Variants in UBR3 observed in about 807,000 individuals in gnomAD.
The protein encoded by UBR3 is ubiquitin protein ligase E3 component n-recognin 3.
In UBR3, 85 loss-of-function variants were observed where a neutral mutation model predicts 243.2. The ratio of observed to expected loss-of-function variants is 0.35; its 90% confidence interval spans 0.29 to 0.42. The LOEUF is 0.42. Ranked by LOEUF, UBR3 falls within the 10% of genes least tolerant of loss-of-function variation. The pLI, the probability that UBR3 is intolerant of heterozygous loss-of-function variation, is 1.00. For synonymous variants in UBR3, 748 were observed against 799.8 expected (o/e 0.94, Z 1.09); for missense variants, 1,686 against 2,300.8 (o/e 0.73, Z 5.47).
intron 22 of UBR3, among the ~76,000 whole-genome samples, chr2:169,948,094 CAA>C (rs200435995): frequency 0.016 from 2,438 of 148,554 alleles, 25 homozygotes; most frequent in Admixed American, 0.026. Context: ...TTTTTTTTGA[CAA>C]AGTGATTTAA....
At position 169,926,913 on chromosome 2, in the gene UBR3, G is replaced by T. The variant is rs1475669353; in HGVS notation, c.2280G>T (p.Ser760=). 6.4e-7 allele frequency: 1 copy of T among 1,551,228 alleles called. No individual in the cohort carries two copies. Among genetic ancestry groups the T allele is most frequent in the Non-Finnish European group, 8.7e-7 (1 of 1,146,616 alleles). ...TACTTGATGCAGAGCATGAGAGGTC[G>T]ATGTTAGAAGGCGCTCTTACATTTC... ...NTVLDAEHER[S]MLEGALTFLV... The change falls in exon 16 of 39, where the codon TCG becomes TCT. Residue 760 remains serine, a synonymous_variant. Transcript: ENST00000272793.
chr2:169,999,445 C>T (rs1438830952), intron 26 of UBR3, among the ~76,000 whole-genome samples: 2 of 152,276 alleles, frequency 1.3e-5, no homozygotes, highest in East Asian at 1.9e-4. Flanking sequence ...CATTTAATAT[C>T]GGAACTTTGT....
At chr2:170,014,121 TAG>T in intron 29 of UBR3, 1 of 247,460 alleles carries the variant, frequency 4.0e-6, no homozygotes, top group African/African-American at 2.3e-5. Context: ...CCACCCTGAG[TAG>T]AGAGGATTAA....
rs571978243 is a variant in UBR3 at position 169,830,119 on chromosome 2, TTTTTTA to T, written c.545+2085_545+2090del. On this transcript the variant is annotated intron_variant, in intron 1 of 38. Transcript: ENST00000272793. ...TTCAATTTGCCATTCTTTAATTTCT[TTTTTTA>T]TTTTTATTTTTATTTTTTGTGCGTG... Among the ~76,000 whole-genome samples, 38 of 152,308 alleles carry T rather than the reference TTTTTTA, an allele frequency of 2.5e-4. 1 individual carries two copies. The South Asian group carries it at 6.6e-3, about 27-fold the overall frequency.
intron 8 of UBR3, among the ~76,000 whole-genome samples, chr2:169,903,538 G>A (rs1200070967): frequency 1.3e-5 from 2 of 152,206 alleles, no homozygotes; most frequent in South Asian, 2.1e-4. Context: ...CTGAAAGAGA[G>A]TGTACTTAAC....
rs117972065 is a variant in UBR3, at chr2:169,887,523, C to G, written c.1039-3642C>G. Among the ~76,000 whole-genome samples the G allele has an allele frequency of 6.3e-3, 952 of 152,146 alleles. 5 individuals carry two copies. Among genetic ancestry groups the G allele is most frequent in the East Asian group, 0.017 (90 of 5,178 alleles). On this transcript the variant is annotated intron_variant, in intron 5 of 38. Transcript: ENST00000272793. ...ATTTCTGTTTGTTAACAGTACTGTACTTTCTAAAAATAAAAATATAGAACT... is the reference window on the plus strand; with the variant it reads ...ATTTCTGTTTGTTAACAGTACTGTAGTTTCTAAAAATAAAAATATAGAACT...
intron 8 of UBR3, among the ~76,000 whole-genome samples, chr2:169,899,967 G>A (rs138966595): frequency 2.0e-5 from 3 of 152,300 alleles, no homozygotes; most frequent in Non-Finnish European, 4.4e-5. Context: ...ACATGTGCAT[G>A]TGTCTTTATA....
intron 1 of UBR3, among the ~76,000 whole-genome samples, chr2:169,852,022 AT>A (rs895460665): frequency 2.6e-5 from 4 of 151,722 alleles, no homozygotes; most frequent in Non-Finnish European, 5.9e-5. Context: ...CTCCATGGTT[AT>A]TTTTTTTCCC....
chr2:169,933,143 G>T (rs889875561), intron 19 of UBR3, 135 bp downstream of exon 19: 5 of 597,432 alleles, frequency 8.4e-6, no homozygotes, highest in Admixed American at 8.4e-5. Flanking sequence ...ATAATTTAAG[G>T]TTTAAAAAAT....
At chr2:169,832,791 G>A (rs947396830) in intron 1 of UBR3, among the ~76,000 whole-genome samples, 1 of 151,610 alleles carries the variant, frequency 6.6e-6, no homozygotes, top group African/African-American at 2.4e-5. Flanking sequence ...AAATTATCTG[G>A]GCATGATGGT....
intron 38 of UBR3, among the ~76,000 whole-genome samples, chr2:170,081,385 A>G (rs2105463664): frequency 6.6e-6 from 1 of 152,172 alleles, no homozygotes; most frequent in African/African-American, 2.4e-5. Flanking sequence ...CTATAGTCCC[A>G]GCTACTCTAG....
intron 6 of UBR3, among the ~76,000 whole-genome samples, chr2:169,894,783 C>T (rs1370032582): frequency 1.3e-5 from 2 of 152,146 alleles, no homozygotes; most frequent in African/African-American, 2.4e-5. Flanking sequence ...GATTTTGATG[C>T]GTGTGAGATA....
intron 11 of UBR3, among the ~76,000 whole-genome samples, chr2:169,920,865 G>A (rs2085670729): frequency 6.6e-6 from 1 of 152,086 alleles, no homozygotes. Context: ...GAGTGGGAGA[G>A]GGAGACACAT....
chr2:169,946,858 T>C (rs2086807519), intron 21 of UBR3, among the ~76,000 whole-genome samples: 1 of 152,128 alleles, frequency 6.6e-6, no homozygotes, highest in Non-Finnish European at 1.5e-5. Flanking sequence ...AAATTCTTCC[T>C]GTAAAGGTTT....
intron 31 of UBR3, among the ~76,000 whole-genome samples, chr2:170,030,096 A>G (rs1485682587): frequency 6.6e-6 from 1 of 152,060 alleles, no homozygotes; most frequent in African/African-American, 2.4e-5. Context: ...TTTTATATAT[A>G]TTTGATGTGT....
intron 19 of UBR3, among the ~76,000 whole-genome samples, chr2:169,939,997 T>A (rs1037960773): frequency 3.9e-5 from 6 of 152,172 alleles, no homozygotes; most frequent in African/African-American, 1.4e-4. Context: ...TTATAGATTT[T>A]AAAAATATTT....
chr2:169,965,495 A>G (rs558281738), intron 24 of UBR3, among the ~76,000 whole-genome samples: 4 of 152,312 alleles, frequency 2.6e-5, no homozygotes, highest in Non-Finnish European at 5.9e-5. Context: ...AAGTTTATAA[A>G]TTAAGCACAG....
chr2:169,828,073 G>A, intron 1 of UBR3, 21 bp downstream of exon 1: 1 of 1,358,740 alleles, frequency 7.4e-7, no homozygotes. Flanking sequence ...CCCTCCCCGC[G>A]GGCGAGGCGA....
chr2:169,905,850 TA>T (rs1172507623), intron 9 of UBR3, among the ~76,000 whole-genome samples, 180 bp from the exon 10 acceptor site: 1 of 152,246 alleles, frequency 6.6e-6, no homozygotes, highest in African/African-American at 2.4e-5. Flanking sequence ...ACCTAGTTTG[TA>T]AAAAATTCTG....
Sources: allele counts gnomAD v4.1 joint callset (sites outside exome capture counted in the v4.1 genomes callset), GRCh38; gene constraint gnomAD v4.1.1; transcripts MANE v1.5; gene names NCBI Gene and HGNC (gene_info 2026-07-23, HGNC 2026-07-21).